CNBD1: variants seen among roughly 807,000 people sequenced by gnomAD.
CNBD1 encodes the protein cyclic nucleotide-binding domain-containing protein 1.
A neutral mutation model predicts 54.4 loss-of-function variants in CNBD1; 71 were observed. The ratio of observed to expected loss-of-function variants is 1.30; its 90% CI spans 1.08 to 1.59. CNBD1 has a LOEUF of 1.59. Ranked by LOEUF, CNBD1 falls within the 40% of genes most tolerant of loss-of-function variation. The pLI is 0.00. For missense variants in CNBD1, 659 were observed against 518.0 expected, an observed-to-expected ratio of 1.27 and a Z score of -2.64; for synonymous variants, 182 against 170.7, an observed-to-expected ratio of 1.07 and a Z score of -0.51.
intron 4 of CNBD1, among the ~76,000 whole-genome samples, chr8:87,098,159 C>T (rs1483294613): frequency 1.3e-5 from 2 of 152,240 alleles, no homozygotes; most frequent in Admixed American, 1.3e-4. Flanking sequence ...GCATATGATG[C>T]TGGAAAGACT....
chr8:87,294,025 A>G (rs945115693), intron 8 of CNBD1, among the ~76,000 whole-genome samples: 1 of 152,162 alleles, frequency 6.6e-6, no homozygotes, highest in African/African-American at 2.4e-5. Flanking sequence ...ATGTGACATC[A>G]TTAAAGGTTT....
chr8:86,867,350 A>G (rs1283907711), intron 1 of CNBD1, among the ~76,000 whole-genome samples: 2 of 152,182 alleles, frequency 1.3e-5, no homozygotes, highest in African/African-American at 4.8e-5. Context: ...ACTTCAATAA[A>G]GCATTAACTC....
intron 4 of CNBD1, among the ~76,000 whole-genome samples, chr8:87,030,534 C>T (rs1449405720): frequency 6.6e-6 from 1 of 152,026 alleles, no homozygotes; most frequent in Non-Finnish European, 1.5e-5. Flanking sequence ...GCTACATATC[C>T]TTTTGCTCTT....
At chr8:87,266,984 C>T (rs897809777) in intron 6 of CNBD1, among the ~76,000 whole-genome samples, 2 of 152,086 alleles carry the variant, frequency 1.3e-5, no homozygotes, top group Non-Finnish European at 2.9e-5. Flanking sequence ...CCTTAAGTAA[C>T]AGACTTACAG....
chr8:86,897,338 A>C (rs535637082), intron 2 of CNBD1, among the ~76,000 whole-genome samples: 2 of 152,344 alleles, frequency 1.3e-5, no homozygotes, highest in East Asian at 3.9e-4. Flanking sequence ...AAAGAGTTAA[A>C]AGATCCAAAA....
intron 4 of CNBD1, among the ~76,000 whole-genome samples, chr8:87,005,584 T>A (rs974973068): frequency 6.6e-6 from 1 of 151,754 alleles, no homozygotes; most frequent in Non-Finnish European, 1.5e-5. Flanking sequence ...TATTAAGAAA[T>A]ATATATATTT....
At chr8:86,939,235 C>T (rs1248701226) in intron 3 of CNBD1, among the ~76,000 whole-genome samples, 1 of 151,816 alleles carries the variant, frequency 6.6e-6, no homozygotes, top group Non-Finnish European at 1.5e-5. Flanking sequence ...AAAAAAAACA[C>T]TGAAAAACAA....
chr8:87,014,850 TA>T, intron 4 of CNBD1, among the ~76,000 whole-genome samples: 1 of 151,824 alleles, frequency 6.6e-6, no homozygotes, highest in East Asian at 1.9e-4. Flanking sequence ...TGTAGAAAGA[TA>T]TTTTTGGTAA....
chr8:87,380,125 G>A (rs1811044688), intron 10 of CNBD1, among the ~76,000 whole-genome samples: 1 of 151,854 alleles, frequency 6.6e-6, no homozygotes, highest in Admixed American at 6.6e-5. Flanking sequence ...ACACAAACAA[G>A]AGTATTTATA....
At chr8:87,058,740 A>G (rs546339885) in intron 4 of CNBD1, among the ~76,000 whole-genome samples, 1 of 152,310 alleles carries the variant, frequency 6.6e-6, no homozygotes, top group East Asian at 1.9e-4. Flanking sequence ...GACCCAGTCC[A>G]TGTAACCATC....
chr8:87,253,139 G>A (rs965543377), intron 6 of CNBD1, among the ~76,000 whole-genome samples: 1 of 152,154 alleles, frequency 6.6e-6, no homozygotes, highest in African/African-American at 2.4e-5. Flanking sequence ...AGCCAAGCCA[G>A]TGGAAAGTTT....
At chr8:87,389,691 G>A (rs1341316545) in intron 2 of CNBD1, among the ~76,000 whole-genome samples, 7 of 152,138 alleles carry the variant, frequency 4.6e-5, no homozygotes, top group Non-Finnish European at 8.8e-5. Context: ...GTAATTTATA[G>A]ATTCAATGCC....
At chr8:87,264,684 C>T (rs562144893) in intron 6 of CNBD1, among the ~76,000 whole-genome samples, 64 of 152,032 alleles carry the variant, frequency 4.2e-4, no homozygotes, top group African/African-American at 1.1e-3. Context: ...TTTTAGTGAT[C>T]GCCATTCTAA....
At chr8:87,288,753 A>C (rs1808737925) in intron 8 of CNBD1, among the ~76,000 whole-genome samples, 1 of 152,110 alleles carries the variant, frequency 6.6e-6, no homozygotes, top group Non-Finnish European at 1.5e-5. Context: ...GAGTCTATTG[A>C]ATAAGTCAAA....
intron 4 of CNBD1, among the ~76,000 whole-genome samples, chr8:86,979,186 G>A (rs1808410633): frequency 6.6e-6 from 1 of 151,808 alleles, no homozygotes; most frequent in Non-Finnish European, 1.5e-5. Context: ...AGTCACTGAA[G>A]AACAAGAGTA....
intron 5 of CNBD1, among the ~76,000 whole-genome samples, chr8:87,219,860 ACTT>A (rs897708106): frequency 6.6e-5 from 10 of 151,912 alleles, no homozygotes; most frequent in African/African-American, 2.2e-4. Context: ...CCCTTCACAT[ACTT>A]CTTAATATTT....
At chr8:87,410,009 C>G (rs1003904467) in intron 2 of CNBD1, among the ~76,000 whole-genome samples, 1 of 150,878 alleles carries the variant, frequency 6.6e-6, no homozygotes, top group East Asian at 1.9e-4. Context: ...GGTGACAGAG[C>G]GAGACTCTGT....
chr8:86,903,486 C>T (rs1018629139), intron 2 of CNBD1, among the ~76,000 whole-genome samples: 1 of 151,996 alleles, frequency 6.6e-6, no homozygotes, highest in African/African-American at 2.4e-5. Flanking sequence ...CTAGTTAATA[C>T]AGTTATGTAA....
intron 4 of CNBD1, among the ~76,000 whole-genome samples, chr8:87,033,946 A>T (rs1809851849): frequency 6.6e-6 from 1 of 151,938 alleles, no homozygotes; most frequent in East Asian, 1.9e-4. Context: ...TTCTTGAATC[A>T]TATTAGAGCT....
Sources: gnomAD v4.1 joint callset for allele counts (sites outside exome capture counted in the v4.1 genomes callset) on GRCh38, gnomAD v4.1.1 for gene constraint, MANE v1.5 for transcripts, NCBI Gene and HGNC (gene_info 2026-07-23, HGNC 2026-07-21) for gene names.